RAB2A: variants seen among roughly 807,000 people sequenced by gnomAD.
RAB2A encodes RAB2A, member RAS oncogene family.
In RAB2A, 7 loss-of-function variants were observed where a neutral mutation model predicts 32.5. The observed-to-expected ratio is 0.22, with a 90% CI of 0.12 to 0.40. The LOEUF is 0.40. RAB2A is among the 10% of genes least tolerant of loss of function. The probability of loss-of-function intolerance (pLI) is 1.00; values close to 1 mark genes in which losing one functional copy is unlikely to be tolerated. For missense variants in RAB2A, 108 were observed against 260.7 expected (o/e 0.41, Z 4.03); for synonymous variants, 79 against 85.2 (o/e 0.93, Z 0.40).
intron 1 of RAB2A, among the ~76,000 whole-genome samples, chr8:60,526,020 CATATATATATATATATATATATATAT>C (rs146162692): frequency 5.4e-5 from 5 of 92,344 alleles, no homozygotes; most frequent in East Asian, 7.1e-4. Context: ...TGTGTGTGTA[CATATATATATATATATATATATATAT>C]ATATATATAT....
intron 6 of RAB2A, among the ~76,000 whole-genome samples, chr8:60,592,384 G>A (rs10957148): frequency 0.031 from 4,691 of 152,236 alleles, 116 homozygotes; most frequent in Non-Finnish European, 0.052. Flanking sequence ...GGACTTCTTC[G>A]TGTTGCATGG....
At chr8:60,616,662 G>A (rs1804453738) in intron 6 of RAB2A, among the ~76,000 whole-genome samples, 1 of 152,232 alleles carries the variant, frequency 6.6e-6, no homozygotes, top group Admixed American at 6.5e-5. Flanking sequence ...AGTGCCTTGT[G>A]AATCTGCAGT....
chr8:60,613,109 G>C (rs929086330), intron 6 of RAB2A, among the ~76,000 whole-genome samples: 5 of 152,066 alleles, frequency 3.3e-5, no homozygotes, highest in Non-Finnish European at 7.4e-5. Flanking sequence ...ATTTTATTTT[G>C]GGGGGCTCAT....
chr8:60,610,351 C>T (rs595255), intron 6 of RAB2A, among the ~76,000 whole-genome samples: 81,138 of 152,094 alleles, frequency 0.53, 24,522 homozygotes, highest in African/African-American at 0.83. Context: ...TTGCTAATAC[C>T]TGCATTCTGT....
Position 60,584,017 on chromosome 8 carries a change from G to T in RAB2A, c.187-191G>T, listed in dbSNP as rs375732516. On this transcript the variant is annotated intron_variant, in intron 3 of 7. Coordinates refer to ENST00000262646, the MANE Select transcript of RAB2A (RefSeq NM_002865.3). The stretch of plus-strand genomic sequence containing the variant: ...GCGACTACATGTGCACTACATGTGC[G>T]TCTCGTTGACTTGAGCAATCTTGAG... 99 of 495,854 alleles carry T rather than the reference G, an allele frequency of 2.0e-4. 1 individual carries two copies. Among genetic ancestry groups the T allele is most frequent in the East Asian group, 1.9e-3 (53 of 28,036 alleles). The allele number at this position is 495,854 out of a possible 1,614,324, so 30.7% of individuals were successfully genotyped here. A position where few individuals can be genotyped will look rare whatever the true frequency, so the allele number is the denominator to read the frequency against.
At chr8:60,538,315 G>T (rs549309360) in intron 1 of RAB2A, among the ~76,000 whole-genome samples, 2 of 152,216 alleles carry the variant, frequency 1.3e-5, no homozygotes, top group South Asian at 4.2e-4. Context: ...ATTAAATTTG[G>T]CTTATCTAAT....
intron 5 of RAB2A, chr8:60,591,580 T>C (rs757443172): frequency 4.4e-5 from 10 of 226,054 alleles, no homozygotes; most frequent in Middle Eastern, 1.6e-3. Context: ...CTCAAAGATA[T>C]AAGGTATTAG....
intron 3 of RAB2A, among the ~76,000 whole-genome samples, chr8:60,575,275 T>A (rs1244868754): frequency 6.6e-6 from 1 of 152,028 alleles, no homozygotes; most frequent in Non-Finnish European, 1.5e-5. Context: ...ATTTTCAAAA[T>A]TTTTTGTAGA....
intron 5 of RAB2A, among the ~76,000 whole-genome samples, chr8:60,588,623 G>A (rs992777370): frequency 2.0e-5 from 3 of 152,188 alleles, no homozygotes; most frequent in Admixed American, 1.3e-4. Context: ...TAGTAAATGT[G>A]TACTAATCTG....
intron 6 of RAB2A, among the ~76,000 whole-genome samples, chr8:60,596,373 G>T (rs1804024302): frequency 6.6e-6 from 1 of 152,106 alleles, no homozygotes; most frequent in South Asian, 2.1e-4. Flanking sequence ...CCTACAGAAT[G>T]GGAGAAAAAT....
intron 3 of RAB2A, chr8:60,576,295 G>T (rs1240169726): frequency 2.2e-6 from 1 of 456,300 alleles, no homozygotes; most frequent in Admixed American, 2.3e-5. Flanking sequence ...AAAAAAGGCA[G>T]AGGTATGTTC....
chr8:60,592,140 T>C, intron 6 of RAB2A, 171 bp downstream of exon 6: 1 of 424,004 alleles, frequency 2.4e-6, no homozygotes, highest in Non-Finnish European at 4.4e-6. Context: ...TGTCAGACTC[T>C]TAAATCATAT....
chr8:60,525,890 A>G (rs565741583), intron 1 of RAB2A, among the ~76,000 whole-genome samples: 3 of 149,516 alleles, frequency 2.0e-5, no homozygotes, highest in African/African-American at 7.3e-5. Flanking sequence ...TTATATATAT[A>G]TATTTTTTAG....
chr8:60,542,789 T>G (rs1807667406), intron 1 of RAB2A, among the ~76,000 whole-genome samples: 1 of 152,216 alleles, frequency 6.6e-6, no homozygotes, highest in African/African-American at 2.4e-5. Context: ...CTTTAGCAAC[T>G]CTCAGCTTTG....
chr8:60,557,213 C>A (rs996161016), intron 1 of RAB2A, among the ~76,000 whole-genome samples: 12 of 152,150 alleles, frequency 7.9e-5, no homozygotes, highest in Non-Finnish European at 1.3e-4. Context: ...GTCATTTCTT[C>A]AGAAAGATTT....
rs754882505 is a variant in RAB2A at position 60,621,690 on chromosome 8, T to C, written c.*921T>C. 32 of 152,354 alleles carry C rather than the reference T, an allele frequency of 2.1e-4. No homozygotes were observed. The highest frequency in any genetic ancestry group is 3.4e-4 in the Non-Finnish European group (23 of 68,018). The allele number at this position is 152,354 out of a possible 1,614,324, so 9.4% of individuals were successfully genotyped here. A position where few individuals can be genotyped will look rare whatever the true frequency, so the allele number is the denominator to read the frequency against. On this transcript the variant is annotated 3_prime_UTR_variant, in exon 8 of 8. Coordinates refer to ENST00000262646, the MANE Select transcript of RAB2A (RefSeq NM_002865.3). ...ATCTTTCCTTAAACACAATAATGTT[T>C]TCTTTTTTCTTTTATTCACATGATT...
At chr8:60,618,406 G>A (rs1804482524) in intron 6 of RAB2A, among the ~76,000 whole-genome samples, 174 bp from the exon 7 acceptor site, 1 of 151,966 alleles carries the variant, frequency 6.6e-6, no homozygotes, top group Admixed American at 6.6e-5. Flanking sequence ...TTAATATAAT[G>A]TATTACATCG....
chr8:60,539,902 A>G (rs1185552068), intron 1 of RAB2A, among the ~76,000 whole-genome samples: 1 of 152,066 alleles, frequency 6.6e-6, no homozygotes, highest in Non-Finnish European at 1.5e-5. Flanking sequence ...TGAACGGTCC[A>G]GTTTAACTTT....
chr8:60,620,500 A>T (rs970129813), intron 7 of RAB2A, among the ~76,000 whole-genome samples, 174 bp from the exon 8 acceptor site: 1 of 152,258 alleles, frequency 6.6e-6, no homozygotes, highest in African/African-American at 2.4e-5. Context: ...AGTGTTTTTA[A>T]AAGGAAGGAA....
Sources: allele counts gnomAD v4.1 joint callset (sites outside exome capture counted in the v4.1 genomes callset), GRCh38; gene constraint gnomAD v4.1.1; transcripts MANE v1.5; gene names NCBI Gene and HGNC (gene_info 2026-07-23, HGNC 2026-07-21).